SDK1: variants seen among roughly 807,000 people sequenced by gnomAD.
The protein encoded by SDK1 is protein sidekick-1.
Under a neutral mutation model 245.5 loss-of-function variants are expected in SDK1, and 157 were observed. The ratio of observed to expected loss-of-function variants is 0.64; its 90% CI spans 0.56 to 0.73. The LOEUF is 0.73. SDK1 is among the 30% of genes least tolerant of loss of function. SDK1 has a pLI of 0.00. For missense variants in SDK1, 3,583 were observed against 3,002.3 expected (o/e 1.19, Z -4.52); for synonymous variants, 1,647 against 1,278.5 (o/e 1.29, Z -6.15).
intron 14 of SDK1, among the ~76,000 whole-genome samples, chr7:4,008,002 C>T (rs1329187034): frequency 2.0e-5 from 3 of 152,198 alleles, no homozygotes; most frequent in African/African-American, 4.8e-5. Context: ...CCGTCACCAC[C>T]ATCCTTCTCT....
chr7:3,597,559 G>A (rs890597390), intron 1 of SDK1, among the ~76,000 whole-genome samples: 1 of 152,130 alleles, frequency 6.6e-6, no homozygotes, highest in Non-Finnish European at 1.5e-5. Context: ...TTATTATGCT[G>A]GAGTGTCCCA....
chr7:3,789,218 G>A (rs1405507604), intron 4 of SDK1, among the ~76,000 whole-genome samples: 2 of 152,094 alleles, frequency 1.3e-5, no homozygotes, highest in African/African-American at 4.8e-5. Context: ...CATGATCTCA[G>A]CTCACCGCAA....
At chr7:3,402,264 A>G (rs139368523) in intron 1 of SDK1, among the ~76,000 whole-genome samples, 2 of 152,330 alleles carry the variant, frequency 1.3e-5, no homozygotes, top group African/African-American at 4.8e-5. Flanking sequence ...AGACTGGAGA[A>G]TGAATGATAT....
intron 1 of SDK1, among the ~76,000 whole-genome samples, chr7:3,602,148 G>GTA (rs1781274119): frequency 6.6e-6 from 1 of 151,936 alleles, no homozygotes; most frequent in Admixed American, 6.6e-5. Flanking sequence ...ACGTGTGCAT[G>GTA]TGTCTTTATA....
intron 5 of SDK1, among the ~76,000 whole-genome samples, chr7:3,949,443 C>T (rs540686226): frequency 4.6e-5 from 7 of 152,304 alleles, no homozygotes; most frequent in South Asian, 2.1e-4. Context: ...TCTCTCTCCG[C>T]GGCCCTCACC....
Position 4,266,167 on chromosome 7 carries a change from G to A in SDK1, c.*783G>A. On this transcript the variant is annotated 3_prime_UTR_variant, in exon 45 of 45. Transcript: ENST00000404826. Reference sequence around the variant, plus strand: ...CTCTCCTTCCCCGAACACAGCACACGGTCAACTCCGCGGGACACGAGGACA... The same window carrying A: ...CTCTCCTTCCCCGAACACAGCACACAGTCAACTCCGCGGGACACGAGGACA... 2 of 985,500 alleles carry A rather than the reference G, an allele frequency of 2.0e-6. No homozygotes were observed. Among genetic ancestry groups the A allele is most frequent in the East Asian group, 1.1e-4 (1 of 8,824 alleles). 61.0% of individuals were successfully genotyped at this position (985,500 alleles called of 1,614,324 possible). A position where few individuals can be genotyped will look rare whatever the true frequency, so the allele number is the denominator to read the frequency against.
intron 5 of SDK1, among the ~76,000 whole-genome samples, chr7:3,927,062 C>A (rs1779797688): frequency 6.6e-6 from 1 of 152,108 alleles, no homozygotes; most frequent in African/African-American, 2.4e-5. Context: ...AGTGGGGTTC[C>A]GTTATTTCCT....
At chr7:4,107,300 C>G (rs1037885842) in intron 22 of SDK1, among the ~76,000 whole-genome samples, 4 of 152,080 alleles carry the variant, frequency 2.6e-5, no homozygotes, top group Non-Finnish European at 2.9e-5. Flanking sequence ...ATGCACAGAC[C>G]AGGCAAGGAC....
chr7:4,268,108 C>T lies in SDK1; in HGVS notation c.*2724C>T. ...CCAGGCTAGATGGAATGTGCTCCCG[C>T]TCTCTCCTGCCGTGCTGAAAGTCAT... On this transcript the variant is annotated 3_prime_UTR_variant, in exon 45 of 45. Coordinates refer to ENST00000404826, the MANE Select transcript of SDK1 (RefSeq NM_152744.4). 1.0e-6 allele frequency: 1 copy of T among 985,652 alleles called. No individual in the cohort carries two copies. Among genetic ancestry groups the T allele is most frequent in the Non-Finnish European group, 1.2e-6 (1 of 830,074 alleles). The allele number at this position is 985,652 out of a possible 1,614,324, so 61.1% of individuals were successfully genotyped here.
intron 44 of SDK1, among the ~76,000 whole-genome samples, chr7:4,248,694 A>T (rs1787081298): frequency 6.6e-6 from 1 of 152,108 alleles, no homozygotes; most frequent in Non-Finnish European, 1.5e-5. Context: ...GCACACACAT[A>T]CATGCACACA....
intron 1 of SDK1, among the ~76,000 whole-genome samples, chr7:3,311,126 G>A (rs747432466): frequency 2.0e-5 from 3 of 152,128 alleles, no homozygotes; most frequent in Non-Finnish European, 2.9e-5. Flanking sequence ...AACTGGAGAG[G>A]TATTATACTA....
At chr7:3,706,917 T>G (rs1163336277) in intron 4 of SDK1, among the ~76,000 whole-genome samples, 1 of 152,198 alleles carries the variant, frequency 6.6e-6, no homozygotes, top group African/African-American at 2.4e-5. Context: ...TCTCTAGTTT[T>G]ATTACTAATT....
At chr7:3,506,091 A>T (rs1390299443) in intron 1 of SDK1, among the ~76,000 whole-genome samples, 1 of 152,136 alleles carries the variant, frequency 6.6e-6, no homozygotes, top group Non-Finnish European at 1.5e-5. Context: ...TTCTTTTTGT[A>T]GATGCAAGTT....
intron 5 of SDK1, among the ~76,000 whole-genome samples, chr7:3,839,080 C>G (rs757122069): frequency 3.9e-5 from 6 of 152,144 alleles, no homozygotes; most frequent in Non-Finnish European, 8.8e-5. Flanking sequence ...CTCAGGGAAT[C>G]CACATCCTCC....
intron 1 of SDK1, among the ~76,000 whole-genome samples, chr7:3,453,526 G>C (rs372807598): frequency 3.9e-5 from 6 of 152,172 alleles, no homozygotes; most frequent in African/African-American, 1.4e-4. Flanking sequence ...ACAGAGGGAG[G>C]GGAAGAAAGG....
intron 1 of SDK1, among the ~76,000 whole-genome samples, chr7:3,477,393 A>C (rs572103501): frequency 6.7e-6 from 1 of 149,222 alleles, no homozygotes; most frequent in African/African-American, 2.5e-5. Flanking sequence ...ATGGGGTTTC[A>C]CCTTGTTGGC....
chr7:3,850,540 A>G (rs1032921308), intron 5 of SDK1, among the ~76,000 whole-genome samples: 3 of 152,204 alleles, frequency 2.0e-5, no homozygotes, highest in African/African-American at 4.8e-5. Flanking sequence ...TCATGCTGCT[A>G]TAAAGACACA....
At chr7:3,540,789 G>A (rs1048021339) in intron 1 of SDK1, among the ~76,000 whole-genome samples, 25 of 152,192 alleles carry the variant, frequency 1.6e-4, no homozygotes, top group African/African-American at 6.0e-4. Context: ...AAATTTTTAT[G>A]TTGAAAGCCA....
intron 5 of SDK1, among the ~76,000 whole-genome samples, chr7:3,845,817 T>C (rs1456837923): frequency 1.3e-5 from 2 of 152,136 alleles, no homozygotes; most frequent in African/African-American, 2.4e-5. Flanking sequence ...AAATAAAATT[T>C]GAGTGAATAA....
Sources: gnomAD v4.1 joint callset for allele counts (sites outside exome capture counted in the v4.1 genomes callset) on GRCh38, gnomAD v4.1.1 for gene constraint, MANE v1.5 for transcripts, NCBI Gene and HGNC (gene_info 2026-07-23, HGNC 2026-07-21) for gene names.